The following WASHC4 variants were observed in gnomAD, a reference collection of about 807,000 sequenced individuals.
WASHC4 encodes the protein WASH complex subunit 7.
In WASHC4, 86 loss-of-function variants were observed where a neutral mutation model predicts 166.6. The ratio of observed to expected loss-of-function variants is 0.52; its 90% confidence interval spans 0.43 to 0.62. The LOEUF is 0.62. Ranked by LOEUF, WASHC4 falls within the 20% of genes least tolerant of loss-of-function variation. The pLI, the probability that WASHC4 is intolerant of heterozygous loss-of-function variation, is 0.00. For missense variants in WASHC4, 1,262 were observed against 1,382.4 expected (o/e 0.91, Z 1.38); for synonymous variants, 446 against 451.6 (o/e 0.99, Z 0.16).
intron 6 of WASHC4, among the ~76,000 whole-genome samples, chr12:105,117,389 C>T (rs965705812): frequency 3.3e-5 from 5 of 151,924 alleles, no homozygotes; most frequent in African/African-American, 4.8e-5. Context: ...GTTTTTTAAT[C>T]GCTTAATTTA....
chr12:105,121,038 G>A (rs552365877), intron 8 of WASHC4, 63 bp from the exon 9 acceptor site: 8 of 1,072,142 alleles, frequency 7.5e-6, no homozygotes, highest in African/African-American at 6.2e-5. Context: ...TACTTTAAAC[G>A]TCTACATGAG....
chr12:105,133,227 C>G (rs931350182), intron 13 of WASHC4, among the ~76,000 whole-genome samples: 6 of 152,048 alleles, frequency 3.9e-5, no homozygotes, highest in African/African-American at 1.2e-4. Flanking sequence ...TTGTTATTAC[C>G]TGAACAAGCC....
chr12:105,120,207 T>C (rs1468166642), intron 7 of WASHC4, among the ~76,000 whole-genome samples: 1 of 152,250 alleles, frequency 6.6e-6, no homozygotes, highest in Non-Finnish European at 1.5e-5. Flanking sequence ...TTTCTCTACC[T>C]TTATTCCAAG....
At chr12:105,148,983 T>G in intron 24 of WASHC4, 6 of 984,460 alleles carry the variant, frequency 6.1e-6, no homozygotes, top group Non-Finnish European at 7.2e-6. Context: ...ACACATGTAC[T>G]TAACATTCTG....
intron 15 of WASHC4, 119 bp downstream of exon 15, chr12:105,138,130 T>G: frequency 1.1e-6 from 1 of 942,362 alleles, no homozygotes; most frequent in Non-Finnish European, 1.6e-6. Flanking sequence ...TGTGAGAAAG[T>G]ACTTCTCTCT....
chr12:105,151,321 T>C (rs1163181639), intron 25 of WASHC4, among the ~76,000 whole-genome samples: 3 of 152,150 alleles, frequency 2.0e-5, no homozygotes, highest in Non-Finnish European at 4.4e-5. Context: ...TGATTTGCCA[T>C]ATGCGGAACT....
chr12:105,156,449 A>T (rs903890711), intron 26 of WASHC4: 1 of 183,936 alleles, frequency 5.4e-6, no homozygotes. Flanking sequence ...TGACCATTTT[A>T]ATGTAGTCAG....
chr12:105,149,326 TG>T (rs1274123449), intron 24 of WASHC4: 7 of 1,009,110 alleles, frequency 6.9e-6, no homozygotes, highest in Admixed American at 1.1e-4. Flanking sequence ...TCTGGTTTTG[TG>T]ATTCTCACTA....
chr12:105,163,081 C>G (rs544326212), intron 30 of WASHC4, among the ~76,000 whole-genome samples: 1 of 152,006 alleles, frequency 6.6e-6, no homozygotes, highest in East Asian at 1.9e-4. Context: ...CTCAGCCTCC[C>G]GAGTAGCTGG....
intron 13 of WASHC4, among the ~76,000 whole-genome samples, chr12:105,128,887 T>C (rs1449065325): frequency 1.3e-5 from 2 of 151,690 alleles, no homozygotes; most frequent in Non-Finnish European, 2.9e-5. Context: ...CAAGCAGTTC[T>C]CCTACTTCAG....
At chr12:105,139,697 T>C (rs886147809) in intron 15 of WASHC4, among the ~76,000 whole-genome samples, 6 of 151,788 alleles carry the variant, frequency 4.0e-5, no homozygotes, top group African/African-American at 1.2e-4. Flanking sequence ...TTTATTGGAT[T>C]GTGTGCCTTT....
intron 1 of WASHC4, among the ~76,000 whole-genome samples, chr12:105,108,454 G>T (rs1187342926): frequency 6.6e-6 from 1 of 152,186 alleles, no homozygotes; most frequent in African/African-American, 2.4e-5. Context: ...TTTATGCTAA[G>T]TGATATTTTT....
Position 105,141,011 on chromosome 12 carries a change from T to C in WASHC4, c.1673T>C (p.Ile558Thr), listed in dbSNP as rs755148123. The C allele has an allele frequency of 1.4e-5, 22 of 1,614,068 alleles. No homozygotes were observed. Among genetic ancestry groups the C allele is most frequent in the East Asian group, 2.2e-5 (1 of 44,892 alleles). The change falls in exon 17 of 33, where the codon ATT (isoleucine) becomes ACT (threonine). Residue 558 changes from isoleucine to threonine, a missense_variant. Ile to Thr is a moderately conservative substitution (Grantham distance 89, BLOSUM62 -1). Coordinates refer to ENST00000332180, the MANE Select transcript of WASHC4 (RefSeq NM_015275.3). ...CCAAGCACAAAGCAACGGCGACTTA[T>C]TGTTTCTTTGGCACTAAGTGTTGGC... The part of the protein sequence containing the change: ...NGPSTKQRRL[I>T]VSLALSVGTQ...
intron 12 of WASHC4, 76 bp downstream of exon 12, chr12:105,126,438 A>G (rs1430242035): frequency 8.9e-6 from 10 of 1,121,084 alleles, no homozygotes; most frequent in South Asian, 1.4e-5. Flanking sequence ...TTTAAAATGC[A>G]TTTTATTCCT....
At chr12:105,164,585 T>A (rs1884696258) in intron 31 of WASHC4, 56 bp from the exon 32 acceptor site, 1 of 1,200,738 alleles carries the variant, frequency 8.3e-7, no homozygotes, top group Non-Finnish European at 1.2e-6. Context: ...ATATTTTTGG[T>A]ATTTTGCCAT....
intron 24 of WASHC4, chr12:105,148,909 A>G (rs372223256): frequency 1.0e-6 from 1 of 985,216 alleles, no homozygotes; most frequent in East Asian, 1.1e-4. Flanking sequence ...CTTTAATCTC[A>G]GCTCATACCT....
chr12:105,164,399 C>G, intron 31 of WASHC4, 92 bp downstream of exon 31: 1 of 1,129,536 alleles, frequency 8.9e-7, no homozygotes, highest in East Asian at 2.4e-5. Context: ...CATATAGAAA[C>G]TACCATTTTC....
intron 32 of WASHC4, 70 bp from the exon 33 acceptor site, chr12:105,166,792 TTC>T: frequency 9.2e-7 from 1 of 1,084,956 alleles, no homozygotes; most frequent in Non-Finnish European, 1.4e-6. Flanking sequence ...CTTCTCAAAT[TTC>T]TTTTACTTCT....
chr12:105,109,759 A>G (rs1879480882), intron 1 of WASHC4, among the ~76,000 whole-genome samples: 1 of 145,376 alleles, frequency 6.9e-6, no homozygotes, highest in African/African-American at 2.6e-5. Context: ...TGATCTTCCT[A>G]CCTCAGCCTC....
Sources: allele counts gnomAD v4.1 joint callset (sites outside exome capture counted in the v4.1 genomes callset), GRCh38; gene constraint gnomAD v4.1.1; transcripts MANE v1.5; gene names NCBI Gene and HGNC (gene_info 2026-07-23, HGNC 2026-07-21).